The following PPP1R1A variants were observed in gnomAD, a reference collection of about 807,000 sequenced individuals.
The protein encoded by PPP1R1A is protein phosphatase 1 regulatory subunit 1A.
Under a neutral mutation model 23.9 loss-of-function variants are expected in PPP1R1A, and 18 were observed. The observed-to-expected ratio is 0.75, with a 90% confidence interval of 0.52 to 1.12. The LOEUF is 1.12. Among genes scored for constraint, PPP1R1A ranks in the 50% most tolerant of loss-of-function variants. PPP1R1A has a pLI of 0.00. For synonymous variants in PPP1R1A, 84 were observed against 80.7 expected, an observed-to-expected ratio of 1.04 and a Z score of -0.22; for missense variants, 207 against 223.8, an observed-to-expected ratio of 0.92 and a Z score of 0.48.
intron 1 of PPP1R1A, among the ~76,000 whole-genome samples, chr12:54,586,283 T>A (rs1224998800): frequency 6.6e-6 from 1 of 152,180 alleles, no homozygotes; most frequent in Admixed American, 6.5e-5. Context: ...TCCTTGGGAA[T>A]CGTGATACCC....
chr12:54,587,311 C>T (rs556302890), intron 1 of PPP1R1A, among the ~76,000 whole-genome samples: 2 of 152,316 alleles, frequency 1.3e-5, no homozygotes, highest in East Asian at 3.9e-4. Context: ...GGGTGGCCAG[C>T]CAGAGCCTGG....
Position 54,581,191 on chromosome 12 carries a change from C to T in PPP1R1A, c.404-141G>A, listed in dbSNP as rs1269418849. The stretch of plus-strand genomic sequence containing the variant: ...CCAAGTTGGGTGCAATCAGGCAAGA[C>T]CAACAGGGTTTTCTTTGATCACAAT... On this transcript the variant is annotated intron_variant, in intron 5 of 6. Coordinates refer to ENST00000257905, the MANE Select transcript of PPP1R1A (RefSeq NM_006741.4). This position sits in a 1 kb window ranked among gnomAD's most constrained non-coding sequence, Gnocchi z 4.1. The T allele has an allele frequency of 1.6e-6, 1 of 634,194 alleles. No individual in the cohort carries two copies. Among genetic ancestry groups the T allele is most frequent in the Non-Finnish European group, 2.8e-6 (1 of 354,074 alleles). 39.3% of individuals were successfully genotyped at this position (634,194 alleles called of 1,614,324 possible). A position where few individuals can be genotyped will look rare whatever the true frequency, so the allele number is the denominator to read the frequency against.
Position 54,588,574 on chromosome 12 carries a change from G to A in PPP1R1A, c.-86C>T, listed in dbSNP as rs1045035274. On this transcript the variant is annotated 5_prime_UTR_variant, in exon 1 of 7. Transcript: ENST00000257905. ...GCTGGGGCGGGCGCGCTCCCTCTCCGCTCCGCTCCGGCCCCGGCCCCAGCC... is the reference window on the plus strand; with the variant it reads ...GCTGGGGCGGGCGCGCTCCCTCTCCACTCCGCTCCGGCCCCGGCCCCAGCC... 49 of 749,080 alleles carry A rather than the reference G, an allele frequency of 6.5e-5. No individual in the cohort carries two copies. The highest frequency in any genetic ancestry group is 4.7e-4 in the Middle Eastern group (1 of 2,124). The allele number at this position is 749,080 out of a possible 1,614,324, so 46.4% of individuals were successfully genotyped here. A position where few individuals can be genotyped will look rare whatever the true frequency, so the allele number is the denominator to read the frequency against.
chr12:54,580,990 TC>T lies in PPP1R1A; in HGVS notation c.463del (p.Glu155AsnfsTer52). 6.2e-7 allele frequency: 1 copy of T among 1,613,972 alleles called. No homozygotes were observed. Reference protein sequence around the residue: ...ERGSKEPSTKEPSTHIPPLDS... With the variant: ...ERGSKEPSTKXPSTHIPPLDS... ...CAGTGGTGGTATATGGGTTGAGGGT[TC>T]TTTTGTGCTGGGTTCCTTACTGCCT... On this transcript the variant is annotated frameshift_variant, in exon 6 of 7. Coordinates refer to ENST00000257905, the MANE Select transcript of PPP1R1A (RefSeq NM_006741.4). LOFTEE classifies it high-confidence loss of function.
chr12:54,585,056 G>T (rs181572779), intron 1 of PPP1R1A, among the ~76,000 whole-genome samples: 1 of 152,334 alleles, frequency 6.6e-6, no homozygotes, highest in East Asian at 1.9e-4. Flanking sequence ...AACATTTTGT[G>T]TGACAGCGCC....
intron 1 of PPP1R1A, among the ~76,000 whole-genome samples, chr12:54,587,929 G>A (rs1957926284): frequency 6.6e-6 from 1 of 152,040 alleles, no homozygotes. Flanking sequence ...GGGACAGGGA[G>A]AGCTGTTTCT....
intron 1 of PPP1R1A, among the ~76,000 whole-genome samples, chr12:54,585,975 T>A (rs1145000): frequency 0.76 from 114,944 of 152,014 alleles, 43,545 homozygotes; most frequent in East Asian, 0.82. Context: ...TCGTCTCTGG[T>A]CATTCCTGAT....
At chr12:54,586,980 C>T (rs2121217985) in intron 1 of PPP1R1A, among the ~76,000 whole-genome samples, 1 of 152,346 alleles carries the variant, frequency 6.6e-6, no homozygotes, top group South Asian at 2.1e-4. Flanking sequence ...TTTCCCCTGA[C>T]TCCCAGGGAA....
At chr12:54,582,603 CT>C in intron 4 of PPP1R1A, 128 bp downstream of exon 4, 4 of 1,129,712 alleles carry the variant, frequency 3.5e-6, no homozygotes, top group Non-Finnish European at 5.2e-6. Flanking sequence ...GGATTTCAGC[CT>C]CAGTTCGTCT....
chr12:54,580,291 CAA>C lies in PPP1R1A; in HGVS notation c.*94_*95del, dbSNP rs546981885. 1.9e-4 allele frequency: 293 copies of C among 1,573,090 alleles called. No homozygotes were observed. Among genetic ancestry groups the C allele is most frequent in the Non-Finnish European group, 2.4e-4 (278 of 1,159,754 alleles). On this transcript the variant is annotated 3_prime_UTR_variant, in exon 7 of 7. Coordinates refer to ENST00000257905, the MANE Select transcript of PPP1R1A (RefSeq NM_006741.4). Reference sequence around the variant, plus strand: ...CACCAAATTTATCACTTTTTAAAAACAAGAGATTTTCCCCAAAAGTGAAGGAA... The same window carrying C: ...CACCAAATTTATCACTTTTTAAAAACGAGATTTTCCCCAAAAGTGAAGGAA...
chr12:54,582,717 AG>A lies in PPP1R1A; in HGVS notation c.247+14del, dbSNP rs1454311492. The stretch of plus-strand genomic sequence containing the variant: ...GGCACAGAGGAGAAAAAGGGATGGG[AG>A]GGGTCTTGCAAACCTTTCATTGTGG... On this transcript the variant is annotated intron_variant, in intron 4 of 6. Coordinates refer to ENST00000257905, the MANE Select transcript of PPP1R1A (RefSeq NM_006741.4). The A allele has an allele frequency of 1.2e-6, 2 of 1,612,714 alleles. No individual in the cohort carries two copies. Among genetic ancestry groups the A allele is most frequent in the Admixed American group, 3.3e-5 (2 of 59,978 alleles).
chr12:54,582,649 C>G, intron 4 of PPP1R1A, 83 bp downstream of exon 4: 1 of 1,485,124 alleles, frequency 6.7e-7, no homozygotes, highest in Non-Finnish European at 9.4e-7. Flanking sequence ...GCAGATTTAA[C>G]GACCTCCCTT....
At chr12:54,582,607 G>T in intron 4 of PPP1R1A, 125 bp downstream of exon 4, 1 of 1,170,086 alleles carries the variant, frequency 8.5e-7, no homozygotes. Context: ...TTCAGCCTCA[G>T]TTCGTCTAGC....
At chr12:54,580,809 T>C in intron 6 of PPP1R1A, 135 bp downstream of exon 6, 1 of 825,366 alleles carries the variant, frequency 1.2e-6, no homozygotes, top group Non-Finnish European at 2.2e-6. Flanking sequence ...CCTTTTACCA[T>C]AAAGAATAAC....
In PPP1R1A at chr12:54,588,477, G is replaced by A; in HGVS notation, c.12C>T (p.Asp4=). ...TGAACTGGATCTTTCGGGGGCTGTT[G>A]TCTTGCTCCATGGCTGGGGCGGCGG... The part of the protein sequence containing the change: MEQ[D]NSPRKIQFTV... The change falls in exon 1 of 7, where the codon GAC becomes GAT. Residue 4 remains aspartate, a synonymous_variant. Transcript: ENST00000257905. 2 of 1,428,602 alleles carry A rather than the reference G, an allele frequency of 1.4e-6. No individual in the cohort carries two copies. Among genetic ancestry groups the A allele is most frequent in the Non-Finnish European group, 1.8e-6 (2 of 1,081,600 alleles). The allele number at this position is 1,428,602 out of a possible 1,614,324, so 88.5% of individuals were successfully genotyped here.
rs1465545200 is a variant in PPP1R1A, at chr12:54,580,304, C to T, written c.*83G>A. ...ACTTTTTAAAAACAAGAGATTTTCC[C>T]CAAAAGTGAAGGAATAAGAAACAAA... is the stretch of plus-strand genomic sequence containing the variant. On this transcript the variant is annotated 3_prime_UTR_variant, in exon 7 of 7. Coordinates refer to ENST00000257905, the MANE Select transcript of PPP1R1A (RefSeq NM_006741.4). 3.1e-6 allele frequency: 5 copies of T among 1,592,928 alleles called. No homozygotes were observed. The highest frequency in any genetic ancestry group is 4.3e-6 in the Non-Finnish European group (5 of 1,170,712).
At chr12:54,586,215 A>G (rs1957908941) in intron 1 of PPP1R1A, among the ~76,000 whole-genome samples, 1 of 152,166 alleles carries the variant, frequency 6.6e-6, no homozygotes, top group Non-Finnish European at 1.5e-5. Context: ...CTGGTCTTGG[A>G]CACATCACTT....
intron 2 of PPP1R1A, 56 bp from the exon 3 acceptor site, chr12:54,583,304 T>G: frequency 7.2e-7 from 1 of 1,389,538 alleles, no homozygotes; most frequent in East Asian, 2.7e-5. Context: ...GGGATCCCCA[T>G]AGAGCTGACT....
In PPP1R1A at chr12:54,581,809, C is replaced by CA. The variant is rs1210852703; in HGVS notation, c.403+166dup. On this transcript the variant is annotated intron_variant, in intron 5 of 6. Transcript: ENST00000257905. This position sits in a 1 kb window ranked among gnomAD's most constrained non-coding sequence, Gnocchi z 4.1. The stretch of plus-strand genomic sequence containing the variant: ...CACTCAGTAAGGAAAAGTGAAGATT[C>CA]AAATATATGCCGAACATGCCAACAG... 3.3e-5 allele frequency among the ~76,000 whole-genome samples: 5 copies of CA among 152,180 alleles called. No homozygotes were observed. Among genetic ancestry groups the CA allele is most frequent in the Non-Finnish European group, 4.4e-5 (3 of 68,030 alleles).
Sources: gnomAD v4.1 joint callset for allele counts (sites outside exome capture counted in the v4.1 genomes callset) on GRCh38, gnomAD v4.1.1 for gene constraint, Gnocchi (gnomAD v3.1) non-coding constraint, MANE v1.5 for transcripts, NCBI Gene and HGNC (gene_info 2026-07-23, HGNC 2026-07-21) for gene names.